PLEKHA3: variants seen among roughly 807,000 people sequenced by gnomAD.
PLEKHA3 encodes the protein pleckstrin homology domain-containing family A member 3.
In PLEKHA3, 19 loss-of-function variants were observed where a neutral mutation model predicts 39.2. The observed-to-expected ratio is 0.48, with a 90% CI of 0.34 to 0.71. PLEKHA3 has a LOEUF of 0.71. Among genes scored for constraint, PLEKHA3 ranks in the 30% least tolerant of loss-of-function variants. The pLI is 0.01. For synonymous variants in PLEKHA3, 97 were observed against 118.6 expected, an observed-to-expected ratio of 0.82 and a Z score of 1.18; for missense variants, 253 against 359.5, an observed-to-expected ratio of 0.70 and a Z score of 2.40.
intron 7 of PLEKHA3, among the ~76,000 whole-genome samples, chr2:178,503,109 G>A (rs1044708223): frequency 2.6e-5 from 4 of 151,990 alleles, no homozygotes; most frequent in African/African-American, 9.7e-5. Context: ...AATGATGATG[G>A]TAAACTCAAA....
rs1480571525 is a variant in PLEKHA3 at position 178,495,482 on chromosome 2, G to A, written c.451-14G>A. On this transcript the variant is annotated splice_polypyrimidine_tract_variant and intron_variant, in intron 4 of 7. Transcript: ENST00000234453. ...TGTATGCAAATCTGTTCAAGTCTTT[G>A]TGTAATTTTTCAGAACATGAATGAA... 1 of 1,613,490 alleles carries A rather than the reference G, an allele frequency of 6.2e-7. No individual in the cohort carries two copies. The highest frequency in any genetic ancestry group is 1.1e-5 in the South Asian group (1 of 91,004).
rs1343604270 is a variant in PLEKHA3, at chr2:178,515,751, A to C, written c.*11864A>C. 6.6e-6 allele frequency: 1 copy of C among 152,012 alleles called. No homozygotes were observed. Among genetic ancestry groups the C allele is most frequent in the Non-Finnish European group, 1.5e-5 (1 of 67,956 alleles). The allele number at this position is 152,012 out of a possible 1,614,324, so 9.4% of individuals were successfully genotyped here. Reference sequence around the variant, plus strand: ...TAATTCTTGAGTGAATTTAAAACTCACTGCTTTATTATTTAATATCTTAGA... The same window carrying C: ...TAATTCTTGAGTGAATTTAAAACTCCCTGCTTTATTATTTAATATCTTAGA... On this transcript the variant is annotated 3_prime_UTR_variant, in exon 8 of 8. Coordinates refer to ENST00000234453, the MANE Select transcript of PLEKHA3 (RefSeq NM_019091.4).
rs1685570275 is a variant in PLEKHA3 at position 178,503,997 on chromosome 2, A to G, written c.*110A>G. ...CCCTTAGGACTCTGCACTTTATAGA[A>G]TGTTGTAAAACAGACAAACAAGAAA... On this transcript the variant is annotated 3_prime_UTR_variant, in exon 8 of 8. Transcript: ENST00000234453. 5 of 1,179,848 alleles carry G rather than the reference A, an allele frequency of 4.2e-6. No individual in the cohort carries two copies. Among genetic ancestry groups the G allele is most frequent in the South Asian group, 1.6e-5 (1 of 63,954 alleles). 73.1% of individuals were successfully genotyped at this position (1,179,848 alleles called of 1,614,324 possible).
Position 178,515,873 on chromosome 2 carries a change from A to G in PLEKHA3, c.*11986A>G, listed in dbSNP as rs1685755772. The G allele has an allele frequency of 6.6e-6, 1 of 151,986 alleles. No individual in the cohort carries two copies. The highest frequency in any genetic ancestry group is 1.5e-5 in the Non-Finnish European group (1 of 67,944). The allele number at this position is 151,986 out of a possible 1,614,324, so 9.4% of individuals were successfully genotyped here. A position where few individuals can be genotyped will look rare whatever the true frequency, so the allele number is the denominator to read the frequency against. The stretch of plus-strand genomic sequence containing the variant: ...ATTTATCATTCACATTTGCACCCTA[A>G]CTATTGTTTTAACCTAAACATAAAT... On this transcript the variant is annotated 3_prime_UTR_variant, in exon 8 of 8. Transcript: ENST00000234453.
At chr2:178,497,630 T>C (rs865905161) in intron 5 of PLEKHA3, among the ~76,000 whole-genome samples, 1 of 152,326 alleles carries the variant, frequency 6.6e-6, no homozygotes. Flanking sequence ...GTAGATATGC[T>C]ATAAACTGTT....
At chr2:178,501,792 G>T (rs555910023) in intron 7 of PLEKHA3, among the ~76,000 whole-genome samples, 1 of 152,048 alleles carries the variant, frequency 6.6e-6, no homozygotes, top group South Asian at 2.1e-4. Context: ...ATGATTTGCA[G>T]TGAACACAAA....
At chr2:178,498,261 G>A (rs1199721113) in intron 5 of PLEKHA3, among the ~76,000 whole-genome samples, 1 of 152,208 alleles carries the variant, frequency 6.6e-6, no homozygotes, top group Non-Finnish European at 1.5e-5. Flanking sequence ...GGAGATGTTA[G>A]TGGCCATTTG....
At chr2:178,502,932 T>C (rs1406667577) in intron 7 of PLEKHA3, among the ~76,000 whole-genome samples, 1 of 151,994 alleles carries the variant, frequency 6.6e-6, no homozygotes, top group East Asian at 1.9e-4. Flanking sequence ...AGTTTAGTGT[T>C]TCAATTAGCT....
intron 2 of PLEKHA3, among the ~76,000 whole-genome samples, chr2:178,489,451 CTTTTTTTTTT>C (rs71023445): frequency 2.8e-4 from 23 of 82,370 alleles, no homozygotes; most frequent in Admixed American, 7.4e-4. Flanking sequence ...TCTTTTCCTT[CTTTTTTTTTT>C]TTTTTTTTTT....
chr2:178,510,548 T>G lies in PLEKHA3; in HGVS notation c.*6661T>G, dbSNP rs1320347246. On this transcript the variant is annotated 3_prime_UTR_variant, in exon 8 of 8. Transcript: ENST00000234453. ...GTGGGTACCACCCTCATGAATAGAT[T>G]AATGCCGCCGTGTAAAGGGCTTGTG... 1 of 153,768 alleles carries G rather than the reference T, an allele frequency of 6.5e-6. No individual in the cohort carries two copies. The highest frequency in any genetic ancestry group is 1.9e-4 in the East Asian group (1 of 5,184). 9.5% of individuals were successfully genotyped at this position (153,768 alleles called of 1,614,324 possible). A position where few individuals can be genotyped will look rare whatever the true frequency, so the allele number is the denominator to read the frequency against.
chr2:178,490,927 G>C, intron 3 of PLEKHA3, 113 bp downstream of exon 3: 1 of 774,676 alleles, frequency 1.3e-6, no homozygotes, highest in Non-Finnish European at 1.9e-6. Flanking sequence ...AATTAGAAAT[G>C]TAGATTTACG....
At position 178,485,629 on chromosome 2, in the gene PLEKHA3, T is replaced by C; in HGVS notation, c.41-12T>C. ...TTTCCAATTGACCTTTTGTTATTTA[T>C]GGTCTTTTTAGGCTGGCAGCCTCGT... On this transcript the variant is annotated splice_polypyrimidine_tract_variant and intron_variant, in intron 1 of 7. Transcript: ENST00000234453. 1 of 1,552,560 alleles carries C rather than the reference T, an allele frequency of 6.4e-7. No individual in the cohort carries two copies. The highest frequency in any genetic ancestry group is 8.9e-7 in the Non-Finnish European group (1 of 1,126,182).
chr2:178,487,989 T>C (rs1685278809), intron 2 of PLEKHA3, among the ~76,000 whole-genome samples: 1 of 152,140 alleles, frequency 6.6e-6, no homozygotes, highest in African/African-American at 2.4e-5. Flanking sequence ...TTGAATGTCC[T>C]CTTGTCGGGA....
In PLEKHA3 at chr2:178,514,957, T is replaced by A. The variant is rs931917226; in HGVS notation, c.*11070T>A. 1.3e-5 allele frequency: 2 copies of A among 152,152 alleles called. No individual in the cohort carries two copies. The highest frequency in any genetic ancestry group is 2.9e-5 in the Non-Finnish European group (2 of 68,020). The allele number at this position is 152,152 out of a possible 1,614,324, so 9.4% of individuals were successfully genotyped here. ...TCCTGCTTTTGTGAATCAGGCCATG[T>A]TCACGCAGGGTCCTTGAAGGTGACT... On this transcript the variant is annotated 3_prime_UTR_variant, in exon 8 of 8. Coordinates refer to ENST00000234453, the MANE Select transcript of PLEKHA3 (RefSeq NM_019091.4).
chr2:178,487,404 A>C (rs1299263851), intron 2 of PLEKHA3, among the ~76,000 whole-genome samples: 2 of 150,024 alleles, frequency 1.3e-5, no homozygotes, highest in African/African-American at 4.9e-5. Context: ...TCAAGAAGAG[A>C]ATCTTTTTCT....
At chr2:178,494,300 C>G (rs983500773) in intron 4 of PLEKHA3, among the ~76,000 whole-genome samples, 1 of 152,174 alleles carries the variant, frequency 6.6e-6, no homozygotes, top group Non-Finnish European at 1.5e-5. Context: ...CATAAATTCA[C>G]TGGACAGCTG....
intron 1 of PLEKHA3, among the ~76,000 whole-genome samples, chr2:178,482,543 A>T (rs139460461): frequency 1.5e-3 from 197 of 135,160 alleles, no homozygotes; most frequent in Non-Finnish European, 2.2e-3. Flanking sequence ...ACAGAGCGAG[A>T]TCCTGTCTCA....
Position 178,505,346 on chromosome 2 carries a change from CAT to C in PLEKHA3, c.*1461_*1462del, listed in dbSNP as rs1475337721. On this transcript the variant is annotated 3_prime_UTR_variant, in exon 8 of 8. Coordinates refer to ENST00000234453, the MANE Select transcript of PLEKHA3 (RefSeq NM_019091.4). ...CCTTCCATCTTAAGTTTAAGATGGA[CAT>C]AAACAGTCTATACATTAATATGTGT... The C allele has an allele frequency of 6.6e-6, 1 of 151,742 alleles. No individual in the cohort carries two copies. Among genetic ancestry groups the C allele is most frequent in the Non-Finnish European group, 1.5e-5 (1 of 67,802 alleles). 9.4% of individuals were successfully genotyped at this position (151,742 alleles called of 1,614,324 possible). A position where few individuals can be genotyped will look rare whatever the true frequency, so the allele number is the denominator to read the frequency against.
chr2:178,481,111 C>A (rs1685155943), intron 1 of PLEKHA3, among the ~76,000 whole-genome samples: 1 of 152,132 alleles, frequency 6.6e-6, no homozygotes, highest in South Asian at 2.1e-4. Flanking sequence ...GGGAAGTGCA[C>A]CTGCCACTTC....
Sources: allele counts gnomAD v4.1 joint callset (sites outside exome capture counted in the v4.1 genomes callset), GRCh38; gene constraint gnomAD v4.1.1; transcripts MANE v1.5; gene names NCBI Gene and HGNC (gene_info 2026-07-23, HGNC 2026-07-21).